The following CHD9 variants were observed in gnomAD, a reference collection of about 807,000 sequenced individuals.
The protein encoded by CHD9 is ATP-dependent chromatin remodeler CHD9.
CHD9 carries 77 observed loss-of-function variants against 316.1 expected under a neutral mutation model. The ratio of observed to expected loss-of-function variants is 0.24; its 90% CI spans 0.20 to 0.29. CHD9 has a LOEUF of 0.29. CHD9 is among the 10% of genes least tolerant of loss of function. The pLI is 1.00. For missense variants in CHD9, 2,763 were observed against 3,438.1 expected (o/e 0.80, Z 4.91); for synonymous variants, 1,129 against 1,158.3 (o/e 0.97, Z 0.51).
chr16:53,152,486 G>A (rs913106366), intron 1 of CHD9, among the ~76,000 whole-genome samples: 1 of 152,142 alleles, frequency 6.6e-6, no homozygotes, highest in Admixed American at 6.5e-5. Context: ...GAAGCAAGGG[G>A]GTGAGCAAGA....
intron 2 of CHD9, among the ~76,000 whole-genome samples, chr16:53,184,359 C>T (rs2043804983): frequency 6.6e-6 from 1 of 152,010 alleles, no homozygotes. Flanking sequence ...GTTTTTGAAA[C>T]AGGGTTTCAC....
At chr16:53,086,757 C>A (rs116745561) in intron 1 of CHD9, among the ~76,000 whole-genome samples, 2 of 152,020 alleles carry the variant, frequency 1.3e-5, no homozygotes, top group Non-Finnish European at 2.9e-5. Context: ...CGGAATGAAC[C>A]CTCATAACCC....
At chr16:53,318,099 A>T in intron 36 of CHD9, 113 bp from the exon 37 acceptor site, 1 of 804,454 alleles carries the variant, frequency 1.2e-6, no homozygotes. Flanking sequence ...TTTAAAATGT[A>T]AATAACCAAA....
At chr16:53,266,152 G>A (rs991829084) in intron 20 of CHD9, among the ~76,000 whole-genome samples, 4 of 150,658 alleles carry the variant, frequency 2.7e-5, no homozygotes, top group African/African-American at 9.8e-5. Context: ...AAAATTAGTG[G>A]GTAAAAGTTT....
At chr16:53,192,122 G>T (rs182936317) in intron 2 of CHD9, among the ~76,000 whole-genome samples, 4 of 151,638 alleles carry the variant, frequency 2.6e-5, no homozygotes, top group Admixed American at 2.6e-4. Flanking sequence ...CTATAAAAGA[G>T]GTATATGTGC....
rs995472342 is a variant in CHD9, at chr16:53,147,923, G to T, written c.-164-8003G>T. Reference sequence around the variant, plus strand: ...CTTTTTTAAATGTTTGCTTATTTAGGCCAGGCGCGGTGGCCCATGGCTGTA... The same window carrying T: ...CTTTTTTAAATGTTTGCTTATTTAGTCCAGGCGCGGTGGCCCATGGCTGTA... On this transcript the variant is annotated intron_variant, in intron 1 of 38. Transcript: ENST00000447540. Among the ~76,000 whole-genome samples the T allele has an allele frequency of 6.6e-5, 10 of 152,194 alleles. 1 individual carries two copies. The highest frequency in any genetic ancestry group is 2.0e-4 in the Admixed American group (3 of 15,278).
At chr16:53,202,345 A>G (rs949456893) in intron 2 of CHD9, among the ~76,000 whole-genome samples, 2 of 151,820 alleles carry the variant, frequency 1.3e-5, no homozygotes, top group Non-Finnish European at 2.9e-5. Flanking sequence ...AACCAAATGC[A>G]ATGCTCCACA....
At chr16:53,233,432 C>G (rs1228103822) in intron 10 of CHD9, among the ~76,000 whole-genome samples, 7 of 152,162 alleles carry the variant, frequency 4.6e-5, no homozygotes, top group African/African-American at 7.2e-5. Flanking sequence ...TGGATGAGTT[C>G]TTGTTCACCT....
At chr16:53,081,261 T>G (rs2034991847) in intron 1 of CHD9, among the ~76,000 whole-genome samples, 1 of 152,136 alleles carries the variant, frequency 6.6e-6, no homozygotes, top group Non-Finnish European at 1.5e-5. Context: ...GATACAGAGT[T>G]TCTAGATGGG....
chr16:53,324,746 A>G lies in CHD9; in HGVS notation c.8545A>G (p.Ile2849Val), dbSNP rs1488023570. Residue 2849 changes from isoleucine to valine, a missense_variant, in exon 39 of 39, where the codon ATT (isoleucine) becomes GTT (valine). Around this residue, in one of 15 missense-constraint regions of CHD9, gnomAD observed 298 missense variants for 380.2 expected, o/e 0.78. Transcript: ENST00000447540. ...SVEVKEEDSR[I>V]KDQEDKGGTE... ...AGAAGTAAAAGAAGAAGATTCCAGA[A>G]TTAAAGATCAGGAAGACAAAGGAGG... 6.2e-7 allele frequency: 1 copy of G among 1,613,478 alleles called. No individual in the cohort carries two copies.
chr16:53,154,423 T>G (rs2041357554), intron 1 of CHD9, among the ~76,000 whole-genome samples: 1 of 152,146 alleles, frequency 6.6e-6, no homozygotes, highest in African/African-American at 2.4e-5. Context: ...TTTTGTTGAT[T>G]CTTTAGTTTT....
chr16:53,282,866 G>C (rs2053543606), intron 24 of CHD9, among the ~76,000 whole-genome samples: 1 of 151,884 alleles, frequency 6.6e-6, no homozygotes. Flanking sequence ...TGCTTTTCAG[G>C]CATGTTTTCT....
In CHD9 at chr16:53,208,424, T is replaced by A. The variant is rs1453454981; in HGVS notation, c.1453-1058T>A. 2.4e-6 allele frequency: 3 copies of A among 1,235,900 alleles called. No individual in the cohort carries two copies. In the Admixed American group the frequency reaches 8.7e-5, roughly 36 times the overall value. The allele number at this position is 1,235,900 out of a possible 1,614,324, so 76.6% of individuals were successfully genotyped here. ...GGCTAATGGGATTGAATAACCTTCC[T>A]TATTACTGGCTGCTGCTACGGGAGT... On this transcript the variant is annotated intron_variant, in intron 2 of 38. Coordinates refer to ENST00000447540, the MANE Select transcript of CHD9 (RefSeq NM_001308319.2).
chr16:53,121,155 A>G (rs934017642), intron 1 of CHD9: 2 of 274,974 alleles, frequency 7.3e-6, no homozygotes, highest in African/African-American at 4.4e-5. Flanking sequence ...CCAGAGGACC[A>G]TATCTATCTT....
At position 53,304,484 on chromosome 16, in the gene CHD9, C is replaced by A. The variant is rs1379482022; in HGVS notation, c.6478C>A (p.Arg2160=). ...ATCATCCTCTTCTTGCTCCCACTCT[C>A]GATCAGGCTCTAGTTCTTCTTCATC... ...SSSSSSCSHS[R]SGSSSSSSSS... is the part of the protein sequence containing the mutation. Residue 2160 remains arginine, a synonymous_variant, in exon 31 of 39, where the codon CGA becomes AGA. Coordinates refer to ENST00000447540, the MANE Select transcript of CHD9 (RefSeq NM_001308319.2). 7 of 1,556,818 alleles carry A rather than the reference C, an allele frequency of 4.5e-6. No individual in the cohort carries two copies. The Admixed American group carries it at 1.2e-4, about 26-fold the overall frequency.
At chr16:53,276,022 G>A (rs751938757) in intron 24 of CHD9, among the ~76,000 whole-genome samples, 1 of 152,016 alleles carries the variant, frequency 6.6e-6, no homozygotes, top group Non-Finnish European at 1.5e-5. Flanking sequence ...CACTTAACTT[G>A]GGTACTTCTC....
intron 1 of CHD9, among the ~76,000 whole-genome samples, chr16:53,065,638 TAAA>T (rs68025976): frequency 1.9e-5 from 2 of 103,402 alleles, no homozygotes; most frequent in Non-Finnish European, 3.6e-5. Flanking sequence ...TGTCTTAAAT[TAAA>T]AAAAAAAAAA....
At chr16:53,081,616 T>C (rs913022969) in intron 1 of CHD9, among the ~76,000 whole-genome samples, 2 of 152,036 alleles carry the variant, frequency 1.3e-5, no homozygotes, top group African/African-American at 4.8e-5. Context: ...AAGTTGGGGG[T>C]TTGCCCTGTT....
In CHD9 at chr16:53,226,381, C is replaced by A. The variant is rs780413159; in HGVS notation, c.1912C>A (p.Arg638=). The change falls in exon 5 of 39, where the codon CGA becomes AGA. Residue 638 remains arginine, a synonymous_variant. Transcript: ENST00000447540. The stretch of plus-strand genomic sequence containing the variant: ...TTCATTACAGAAAAGAAGATCAAAT[C>A]GACAAATTAAAAGAAAAAAATACGC... The part of the protein sequence containing the change: ...DQDSQKRRSN[R]QIKRKKYAED... 4 of 1,563,086 alleles carry A rather than the reference C, an allele frequency of 2.6e-6. No individual in the cohort carries two copies. The highest frequency in any genetic ancestry group is 1.7e-6 in the Non-Finnish European group (2 of 1,157,104).
Sources: allele counts gnomAD v4.1 joint callset (sites outside exome capture counted in the v4.1 genomes callset), GRCh38; gene constraint gnomAD v4.1.1; regional missense constraint gnomAD v4.1.1; transcripts MANE v1.5; gene names NCBI Gene and HGNC (gene_info 2026-07-23, HGNC 2026-07-21).